The following HDAC9 variants were observed in gnomAD, a reference collection of about 807,000 sequenced individuals.
HDAC9 encodes histone deacetylase 9, also known as MEF-2 interacting transcription repressor (MITR) protein.
In HDAC9, 41 loss-of-function variants were observed where a neutral mutation model predicts 139.4. The observed-to-expected ratio is 0.29, with a 90% CI of 0.23 to 0.38. The LOEUF (loss-of-function observed/expected upper bound fraction) is 0.38, where lower values mean the gene tolerates loss of function less well. Among genes scored for constraint, HDAC9 ranks in the 10% least tolerant of loss-of-function variants. HDAC9 has a pLI of 1.00. For missense variants in HDAC9, 1,147 were observed against 1,297.0 expected (o/e 0.88, Z 1.78); for synonymous variants, 517 against 476.2 (o/e 1.09, Z -1.12).
chr7:18,777,265 A>G (rs948117414), intron 16 of HDAC9, among the ~76,000 whole-genome samples: 1 of 152,052 alleles, frequency 6.6e-6, no homozygotes, highest in African/African-American at 2.4e-5. Flanking sequence ...GCTGCAAATT[A>G]TATACAGTAC....
chr7:18,339,570 CTT>C (rs1160300496), intron 1 of HDAC9, among the ~76,000 whole-genome samples: 1 of 151,390 alleles, frequency 6.6e-6, no homozygotes, highest in Non-Finnish European at 1.5e-5. Context: ...TAGTTCAAAA[CTT>C]TATATTGTAC....
At chr7:18,298,630 G>T (rs1357713721) in intron 1 of HDAC9, among the ~76,000 whole-genome samples, 16 of 152,094 alleles carry the variant, frequency 1.1e-4, no homozygotes. Flanking sequence ...ATTCTTACTT[G>T]AGATAATTTT....
intron 12 of HDAC9, among the ~76,000 whole-genome samples, chr7:18,686,536 T>G (rs572386557): frequency 6.6e-6 from 1 of 152,130 alleles, no homozygotes; most frequent in East Asian, 1.9e-4. Context: ...CTTCCATTCT[T>G]ATATTACATA....
chr7:18,617,118 G>A (rs968842), intron 6 of HDAC9, among the ~76,000 whole-genome samples: 139,644 of 152,188 alleles, frequency 0.92, 64,218 homozygotes, highest in African/African-American at 0.98. Flanking sequence ...CTTTCTTATC[G>A]TGCCTACTGT....
At chr7:18,618,253 T>C (rs1383722603) in intron 6 of HDAC9, among the ~76,000 whole-genome samples, 1 of 152,156 alleles carries the variant, frequency 6.6e-6, no homozygotes, top group East Asian at 1.9e-4. Context: ...GCTGTTATTG[T>C]CCACATTTGC....
chr7:18,727,792 G>T (rs1047653753), intron 13 of HDAC9, 35 bp downstream of exon 13: 2 of 1,399,338 alleles, frequency 1.4e-6, no homozygotes, highest in Non-Finnish European at 1.9e-6. Flanking sequence ...TAATAGGCAG[G>T]CTAAATGCCC....
chr7:18,858,429 C>T (rs535228730), intron 21 of HDAC9, among the ~76,000 whole-genome samples: 21 of 152,212 alleles, frequency 1.4e-4, no homozygotes, highest in Middle Eastern at 6.8e-3. Context: ...CTTATAAAAC[C>T]GTCAGCTCTC....
chr7:18,501,371 C>A (rs1288489965), intron 2 of HDAC9, among the ~76,000 whole-genome samples: 1 of 151,906 alleles, frequency 6.6e-6, no homozygotes, highest in Non-Finnish European at 1.5e-5. Context: ...AGACTCCCTG[C>A]TGCTTAAAAT....
chr7:18,902,296 G>A (rs1281367537), intron 22 of HDAC9, among the ~76,000 whole-genome samples: 1 of 152,174 alleles, frequency 6.6e-6, no homozygotes, highest in East Asian at 1.9e-4. Context: ...GGGCTGTTTA[G>A]TAAAATATGG....
chr7:18,945,967 G>A (rs751982939), intron 23 of HDAC9, among the ~76,000 whole-genome samples: 12 of 137,050 alleles, frequency 8.8e-5, no homozygotes, highest in African/African-American at 2.2e-4. Flanking sequence ...AACCCAGGAG[G>A]CAGAGGTTGC....
At chr7:18,310,382 G>C (rs1420546773) in intron 1 of HDAC9, among the ~76,000 whole-genome samples, 1 of 152,134 alleles carries the variant, frequency 6.6e-6, no homozygotes, top group Non-Finnish European at 1.5e-5. Flanking sequence ...CTCTGGCTGT[G>C]TTCACATCAT....
chr7:18,737,654 T>A (rs1391680540), intron 13 of HDAC9, among the ~76,000 whole-genome samples: 3 of 152,202 alleles, frequency 2.0e-5, no homozygotes, highest in African/African-American at 7.2e-5. Context: ...TCTTTTACAT[T>A]TGCTGAGGAG....
chr7:18,242,181 T>C (rs1174826053), intron 2 of HDAC9, among the ~76,000 whole-genome samples: 1 of 152,062 alleles, frequency 6.6e-6, no homozygotes, highest in Non-Finnish European at 1.5e-5. Context: ...ACCACTATTT[T>C]CCCCCCACTA....
chr7:18,318,073 CAA>C (rs1799781473), intron 1 of HDAC9, among the ~76,000 whole-genome samples: 1 of 152,058 alleles, frequency 6.6e-6, no homozygotes, highest in African/African-American at 2.4e-5. Context: ...AAAACAGCAT[CAA>C]AGAGAGAGGA....
intron 3 of HDAC9, among the ~76,000 whole-genome samples, chr7:18,587,694 G>C (rs1032774526): frequency 2.6e-5 from 4 of 152,118 alleles, no homozygotes; most frequent in Non-Finnish European, 4.4e-5. Context: ...ATAAATTGTT[G>C]CTCCAAGATT....
intron 1 of HDAC9, among the ~76,000 whole-genome samples, chr7:18,373,460 A>AAGAT (rs1313392399): frequency 2.0e-5 from 3 of 152,320 alleles, no homozygotes; most frequent in Admixed American, 1.3e-4. Flanking sequence ...ACAATACAAA[A>AAGAT]AGATGTATAT....
At chr7:18,902,973 A>G (rs1341466074) in intron 22 of HDAC9, among the ~76,000 whole-genome samples, 1 of 152,240 alleles carries the variant, frequency 6.6e-6, no homozygotes, top group Non-Finnish European at 1.5e-5. Context: ...AAGCAAAACC[A>G]ATTGTGCAGA....
chr7:18,461,708 C>T (rs1310923647), intron 1 of HDAC9, among the ~76,000 whole-genome samples: 2 of 152,118 alleles, frequency 1.3e-5, no homozygotes, highest in Non-Finnish European at 2.9e-5. Flanking sequence ...TCCAGGGCAG[C>T]ATCTGATCAG....
intron 13 of HDAC9, 64 bp from the exon 14 acceptor site, chr7:18,748,941 C>T: frequency 6.9e-7 from 1 of 1,457,944 alleles, no homozygotes. Context: ...CATATTATCT[C>T]CTAACATGTG....
Sources: gnomAD v4.1 joint callset for allele counts (sites outside exome capture counted in the v4.1 genomes callset) on GRCh38, gnomAD v4.1.1 for gene constraint, MANE v1.5 for transcripts, NCBI Gene and HGNC (gene_info 2026-07-23, HGNC 2026-07-21) for gene names.